The following SHANK2 variants were observed in gnomAD, a reference collection of about 807,000 sequenced individuals.
SHANK2 encodes SH3 and multiple ankyrin repeat domains protein 2.
In SHANK2, 43 loss-of-function variants were observed where a neutral mutation model predicts 133.7. That is an observed-to-expected ratio of 0.32 (90% confidence interval 0.25 to 0.41). The LOEUF (loss-of-function observed/expected upper bound fraction) is 0.41. Among genes scored for constraint, SHANK2 ranks in the 10% least tolerant of loss-of-function variants. SHANK2 has a pLI of 1.00. For synonymous variants in SHANK2, 1,017 were observed against 952.8 expected (o/e 1.07, Z -1.24); for missense variants, 1,994 against 2,235.8 (o/e 0.89, Z 2.18).
At chr11:70,574,067 G>A (rs1215066702) in intron 17 of SHANK2, among the ~76,000 whole-genome samples, 1 of 152,148 alleles carries the variant, frequency 6.6e-6, no homozygotes, top group African/African-American at 2.4e-5. Flanking sequence ...AGCGCCGAGG[G>A]ATGGCCAAGC....
Position 71,105,536 on chromosome 11 carries a change from G to A in SHANK2, c.592+4405C>T, listed in dbSNP as rs907851367. On this transcript the variant is annotated intron_variant, in intron 6 of 25. Coordinates refer to ENST00000601538, the MANE Select transcript of SHANK2 (RefSeq NM_012309.5). ...GAACTCGGGAGGCGGAGGTTGCAGT[G>A]AGCCAAGATCACGCCACTGCACTCC... Among the ~76,000 whole-genome samples, 11 of 145,060 alleles carry A rather than the reference G, an allele frequency of 7.6e-5. No homozygotes were observed. In the East Asian group the frequency reaches 1.9e-3, roughly 25 times the overall value.
chr11:71,210,210 GTATATATATA>G lies in SHANK2; in HGVS notation c.-13+14477_-13+14486del, dbSNP rs71049962. 6.8e-3 allele frequency among the ~76,000 whole-genome samples: 368 copies of G among 54,050 alleles called. 13 individuals carry two copies. The highest frequency in any genetic ancestry group is 0.029 in the East Asian group (27 of 944). 35.5% of individuals were successfully genotyped at this position (54,050 alleles called of 152,430 possible). On this transcript the variant is annotated intron_variant, in intron 2 of 25. Transcript: ENST00000601538. ...GGTCCTCTTCATTGGAAATCCACAG[GTATATATATA>G]TATATATATATATATATATATATAT... is the stretch of plus-strand genomic sequence containing the variant.
intron 11 of SHANK2, chr11:70,864,409 C>T (rs1216979278): frequency 1.3e-5 from 2 of 152,850 alleles, no homozygotes; most frequent in East Asian, 1.9e-4. Context: ...GTCCCAGGGC[C>T]GCGGGGACTT....
chr11:70,793,644 C>G (rs1163404878), intron 14 of SHANK2, among the ~76,000 whole-genome samples: 3 of 152,142 alleles, frequency 2.0e-5, no homozygotes, highest in Non-Finnish European at 4.4e-5. Context: ...CATTTCATAT[C>G]TATTAGAACA....
intron 2 of SHANK2, among the ~76,000 whole-genome samples, chr11:71,210,079 T>C (rs1204773477): frequency 3.3e-5 from 5 of 151,284 alleles, no homozygotes; most frequent in Non-Finnish European, 7.4e-5. Context: ...TTCGATCATC[T>C]GCAAGGGAAC....
intron 17 of SHANK2, among the ~76,000 whole-genome samples, chr11:70,545,203 G>A (rs981705823): frequency 2.6e-5 from 4 of 152,242 alleles, no homozygotes; most frequent in African/African-American, 7.2e-5. Flanking sequence ...CCCTGGGCTC[G>A]CGCTGTCTGA....
chr11:71,112,315 C>T (rs931013049), intron 5 of SHANK2, among the ~76,000 whole-genome samples: 3 of 152,238 alleles, frequency 2.0e-5, no homozygotes, highest in Admixed American at 1.3e-4. Context: ...ATCGCTTGAA[C>T]CCGAGAGGCG....
intron 17 of SHANK2, among the ~76,000 whole-genome samples, chr11:70,536,733 T>C (rs2059548813): frequency 6.6e-6 from 1 of 152,180 alleles, no homozygotes; most frequent in South Asian, 2.1e-4. Context: ...GTGCCACCTT[T>C]TGTATCTGCT....
chr11:70,711,838 C>T (rs1448183964), intron 14 of SHANK2, among the ~76,000 whole-genome samples: 4 of 152,214 alleles, frequency 2.6e-5, no homozygotes, highest in Non-Finnish European at 5.9e-5. Flanking sequence ...TCTGGGCTCC[C>T]GGGACTGACC....
chr11:70,761,648 C>T (rs1235963839), intron 14 of SHANK2, among the ~76,000 whole-genome samples: 1 of 152,202 alleles, frequency 6.6e-6, no homozygotes, highest in African/African-American at 2.4e-5. Flanking sequence ...CCATGTGTTC[C>T]AGTCCCTGGG....
intron 17 of SHANK2, among the ~76,000 whole-genome samples, chr11:70,648,528 C>T (rs1367286145): frequency 1.3e-5 from 2 of 152,108 alleles, no homozygotes; most frequent in Non-Finnish European, 1.5e-5. Context: ...TGAAATAATG[C>T]TAATGTAAAA....
intron 3 of SHANK2, among the ~76,000 whole-genome samples, chr11:71,136,861 G>T (rs553361610): frequency 1.3e-5 from 2 of 152,132 alleles, no homozygotes; most frequent in Non-Finnish European, 2.9e-5. Context: ...TCATCAAATG[G>T]TATTCTTTTT....
chr11:71,237,039 G>T (rs1954833876), intron 1 of SHANK2, among the ~76,000 whole-genome samples: 1 of 152,212 alleles, frequency 6.6e-6, no homozygotes, highest in Non-Finnish European at 1.5e-5. Context: ...CTAGCATTTT[G>T]GGAAGTCTTC....
chr11:70,762,103 T>C (rs1190657570), intron 14 of SHANK2, among the ~76,000 whole-genome samples: 1 of 152,244 alleles, frequency 6.6e-6, no homozygotes, highest in Non-Finnish European at 1.5e-5. Flanking sequence ...ACTTCGCTCC[T>C]GCTCTCTTTT....
chr11:70,681,299 G>A (rs948734743), intron 15 of SHANK2, among the ~76,000 whole-genome samples: 3 of 152,164 alleles, frequency 2.0e-5, no homozygotes, highest in South Asian at 4.1e-4. Flanking sequence ...ATGTTTCTCC[G>A]CGGCTCAGGA....
chr11:70,509,356 C>T (rs1178603156), intron 17 of SHANK2, among the ~76,000 whole-genome samples: 1 of 152,248 alleles, frequency 6.6e-6, no homozygotes, highest in African/African-American at 2.4e-5. Flanking sequence ...GGCTCTTGGT[C>T]CCACGACCTC....
At chr11:70,757,764 C>T (rs1946904695) in intron 14 of SHANK2, among the ~76,000 whole-genome samples, 2 of 152,126 alleles carry the variant, frequency 1.3e-5, no homozygotes, top group African/African-American at 4.8e-5. Flanking sequence ...TATATCGAGT[C>T]CTGCGAGTCC....
chr11:70,949,289 G>A (rs1172080200), intron 10 of SHANK2, among the ~76,000 whole-genome samples: 1 of 152,234 alleles, frequency 6.6e-6, no homozygotes, highest in Non-Finnish European at 1.5e-5. Flanking sequence ...CAGCGGGGGT[G>A]AAAGTGGGCG....
At chr11:70,942,905 TG>T (rs1200454845) in intron 10 of SHANK2, 1 of 455,430 alleles carries the variant, frequency 2.2e-6, no homozygotes, top group African/African-American at 2.0e-5. Context: ...GTTCTGGGTC[TG>T]GTGCTGGGTG....
Sources: gnomAD v4.1 joint callset for allele counts (sites outside exome capture counted in the v4.1 genomes callset) on GRCh38, gnomAD v4.1.1 for gene constraint, MANE v1.5 for transcripts, NCBI Gene and HGNC (gene_info 2026-07-23, HGNC 2026-07-21) for gene names.